NKAIN2: variants seen among roughly 807,000 people sequenced by gnomAD.
The protein encoded by NKAIN2 is sodium/potassium-transporting ATPase subunit beta-1-interacting protein 2.
A neutral mutation model predicts 32.6 loss-of-function variants in NKAIN2; 14 were observed. That is an observed-to-expected ratio of 0.43 (90% CI 0.28 to 0.67). The LOEUF is 0.67. Ranked by LOEUF, NKAIN2 falls within the 30% of genes least tolerant of loss-of-function variation. NKAIN2 has a pLI of 0.17. For missense variants in NKAIN2, 198 were observed against 258.3 expected, an observed-to-expected ratio of 0.77 and a Z score of 1.60; for synonymous variants, 80 against 87.2, an observed-to-expected ratio of 0.92 and a Z score of 0.46.
intron 1 of NKAIN2, among the ~76,000 whole-genome samples, chr6:123,956,265 G>C (rs1233432983): frequency 6.6e-6 from 1 of 152,164 alleles, no homozygotes; most frequent in Non-Finnish European, 1.5e-5. Context: ...CTGCATTATG[G>C]ACTGAATTGT....
intron 5 of NKAIN2, among the ~76,000 whole-genome samples, chr6:124,793,300 G>A (rs559298973): frequency 1.2e-3 from 176 of 152,178 alleles, no homozygotes; most frequent in Non-Finnish European, 1.5e-3. Context: ...GGTACCTAGC[G>A]CCTATACAAG....
chr6:124,671,369 C>T (rs1773092220), intron 4 of NKAIN2, among the ~76,000 whole-genome samples: 1 of 152,108 alleles, frequency 6.6e-6, no homozygotes, highest in Non-Finnish European at 1.5e-5. Flanking sequence ...GGGCAATTTT[C>T]TCTCATAGCA....
chr6:124,451,038 G>A (rs1003320180), intron 3 of NKAIN2, among the ~76,000 whole-genome samples: 3 of 152,016 alleles, frequency 2.0e-5, no homozygotes, highest in Admixed American at 6.6e-5. Context: ...ACCAGAAATA[G>A]AAAGAATCAG....
intron 1 of NKAIN2, among the ~76,000 whole-genome samples, chr6:124,008,622 G>A (rs1236588669): frequency 6.6e-6 from 1 of 152,058 alleles, no homozygotes; most frequent in Non-Finnish European, 1.5e-5. Context: ...TTTGGCAACA[G>A]GTGTTTGTTT....
intron 3 of NKAIN2, among the ~76,000 whole-genome samples, chr6:124,499,993 T>C (rs1434784215): frequency 6.6e-6 from 1 of 152,170 alleles, no homozygotes; most frequent in Non-Finnish European, 1.5e-5. Context: ...AAATAGTCCA[T>C]GTGCAATAAA....
At chr6:123,931,631 T>C (rs972492029) in intron 1 of NKAIN2, among the ~76,000 whole-genome samples, 6 of 152,170 alleles carry the variant, frequency 3.9e-5, no homozygotes, top group Non-Finnish European at 8.8e-5. Flanking sequence ...TCATCATTTT[T>C]TTTCTTTCAT....
At chr6:124,003,610 T>C (rs189723360) in intron 1 of NKAIN2, among the ~76,000 whole-genome samples, 2 of 152,286 alleles carry the variant, frequency 1.3e-5, no homozygotes, top group Non-Finnish European at 2.9e-5. Context: ...TTTGTACACA[T>C]AATACAGAGC....
At chr6:123,954,595 T>C (rs1777479790) in intron 1 of NKAIN2, among the ~76,000 whole-genome samples, 1 of 152,206 alleles carries the variant, frequency 6.6e-6, no homozygotes, top group East Asian at 1.9e-4. Flanking sequence ...TTTTGGTTTT[T>C]CTTTGTGGAA....
At chr6:124,018,121 CATGG>C (rs1301106013) in intron 1 of NKAIN2, among the ~76,000 whole-genome samples, 2 of 152,200 alleles carry the variant, frequency 1.3e-5, no homozygotes, top group Non-Finnish European at 2.9e-5. Flanking sequence ...CTCAACATCA[CATGG>C]AAGCTGTCAA....
chr6:124,689,190 A>G (rs746031828), intron 4 of NKAIN2, among the ~76,000 whole-genome samples: 13 of 151,296 alleles, frequency 8.6e-5, no homozygotes, highest in African/African-American at 1.2e-4. Context: ...GTGTAGAGCT[A>G]TGTTATTTTT....
At chr6:124,175,585 A>G (rs1475003425) in intron 1 of NKAIN2, among the ~76,000 whole-genome samples, 3 of 152,200 alleles carry the variant, frequency 2.0e-5, no homozygotes, top group Non-Finnish European at 4.4e-5. Context: ...ACAAATTTCA[A>G]TGACTACCCA....
chr6:124,431,766 A>T (rs1392133210), intron 3 of NKAIN2, among the ~76,000 whole-genome samples: 2 of 152,054 alleles, frequency 1.3e-5, no homozygotes, highest in African/African-American at 4.8e-5. Context: ...TGTTTGTAAC[A>T]CACACACACA....
chr6:124,128,119 G>A (rs540492418), intron 1 of NKAIN2, among the ~76,000 whole-genome samples: 2 of 152,096 alleles, frequency 1.3e-5, no homozygotes, highest in African/African-American at 4.8e-5. Flanking sequence ...GTGAGCCACC[G>A]TGCCTGGCCC....
rs547608146 is a variant in NKAIN2, at chr6:124,258,530, C to G, written c.55-24475C>G. ...ACGATAACTTGAAACTATGTAATAT[C>G]TAATAATATAAAACTGACAGGACTT... On this transcript the variant is annotated intron_variant, in intron 1 of 6. Transcript: ENST00000368417. 5.3e-5 allele frequency among the ~76,000 whole-genome samples: 8 copies of G among 152,136 alleles called. No individual in the cohort carries two copies. In the South Asian group the frequency reaches 1.7e-3, roughly 32 times the overall value.
chr6:124,347,574 T>G (rs1007530696), intron 2 of NKAIN2, among the ~76,000 whole-genome samples: 2 of 152,210 alleles, frequency 1.3e-5, no homozygotes, highest in African/African-American at 2.4e-5. Context: ...TCTCACTTCA[T>G]TTCATTCATT....
At chr6:124,203,094 C>G (rs1790671376) in intron 1 of NKAIN2, among the ~76,000 whole-genome samples, 1 of 151,844 alleles carries the variant, frequency 6.6e-6, no homozygotes, top group African/African-American at 2.4e-5. Context: ...AAAATTTGCT[C>G]AATCTGTCTG....
chr6:123,969,154 C>A (rs1275777258), intron 1 of NKAIN2, among the ~76,000 whole-genome samples: 1 of 152,204 alleles, frequency 6.6e-6, no homozygotes, highest in Non-Finnish European at 1.5e-5. Context: ...TCAAAACTAT[C>A]AATTGTCTTC....
intron 4 of NKAIN2, among the ~76,000 whole-genome samples, chr6:124,741,852 A>G (rs970782745): frequency 4.6e-5 from 7 of 151,964 alleles, no homozygotes; most frequent in Non-Finnish European, 5.9e-5. Flanking sequence ...AATCATAAAT[A>G]TAAATGCTTT....
At chr6:124,231,571 G>T (rs1792463550) in intron 1 of NKAIN2, among the ~76,000 whole-genome samples, 1 of 152,128 alleles carries the variant, frequency 6.6e-6, no homozygotes, top group African/African-American at 2.4e-5. Flanking sequence ...GAATCATGGG[G>T]TGGGTCTTTC....
Sources: gnomAD v4.1 joint callset for allele counts (sites outside exome capture counted in the v4.1 genomes callset) on GRCh38, gnomAD v4.1.1 for gene constraint, MANE v1.5 for transcripts, NCBI Gene and HGNC (gene_info 2026-07-23, HGNC 2026-07-21) for gene names.